TBC1D5: variants seen among roughly 807,000 people sequenced by gnomAD.
The protein encoded by TBC1D5 is TBC1 domain family, member 5.
In TBC1D5, 75 loss-of-function variants were observed where a neutral mutation model predicts 100.3. The observed-to-expected ratio is 0.75, with a 90% CI of 0.62 to 0.91. The LOEUF (loss-of-function observed/expected upper bound fraction) is 0.91, where lower values mean the gene tolerates loss of function less well. TBC1D5 is among the 40% of genes least tolerant of loss of function. TBC1D5 has a pLI of 0.00. For missense variants in TBC1D5, 910 were observed against 942.4 expected, an observed-to-expected ratio of 0.97 and a Z score of 0.45; for synonymous variants, 323 against 325.6, an observed-to-expected ratio of 0.99 and a Z score of 0.09.
At chr3:17,449,438 T>C (rs2094874956) in intron 3 of TBC1D5, among the ~76,000 whole-genome samples, 1 of 152,144 alleles carries the variant, frequency 6.6e-6, no homozygotes, top group Non-Finnish European at 1.5e-5. Flanking sequence ...CTGGTTTTGC[T>C]CAGTGGATCC....
chr3:17,453,909 T>C (rs1307942308), intron 3 of TBC1D5, among the ~76,000 whole-genome samples: 1 of 152,174 alleles, frequency 6.6e-6, no homozygotes, highest in Non-Finnish European at 1.5e-5. Flanking sequence ...AAAAAGGTCA[T>C]TCATCATGAC....
intron 2 of TBC1D5, among the ~76,000 whole-genome samples, chr3:17,509,282 G>A (rs1225342282): frequency 6.6e-6 from 1 of 151,722 alleles, no homozygotes; most frequent in Admixed American, 6.6e-5. Flanking sequence ...CATGTTTTCA[G>A]TTGTTCAATA....
intron 1 of TBC1D5, among the ~76,000 whole-genome samples, chr3:17,709,035 G>T (rs1577687656): frequency 6.6e-6 from 1 of 151,854 alleles, no homozygotes; most frequent in East Asian, 1.9e-4. Flanking sequence ...GTTCTGTTAG[G>T]CCCTTTTTTC....
intron 2 of TBC1D5, among the ~76,000 whole-genome samples, chr3:17,611,900 A>G (rs2061697333): frequency 6.6e-6 from 1 of 151,726 alleles, no homozygotes; most frequent in East Asian, 1.9e-4. Flanking sequence ...AACATTATTC[A>G]TCCACACTAA....
intron 4 of TBC1D5, among the ~76,000 whole-genome samples, chr3:17,423,822 C>T (rs993929252): frequency 2.0e-5 from 3 of 151,868 alleles, no homozygotes; most frequent in South Asian, 2.1e-4. Flanking sequence ...TTCTATCCTC[C>T]GCCATTTACA....
intron 18 of TBC1D5, among the ~76,000 whole-genome samples, chr3:17,204,307 T>C (rs1312314847): frequency 1.3e-5 from 2 of 152,200 alleles, no homozygotes; most frequent in Non-Finnish European, 2.9e-5. Context: ...TTCCCTGTCA[T>C]GCACATCTGC....
chr3:17,689,907 C>A (rs76692174), intron 1 of TBC1D5, among the ~76,000 whole-genome samples: 7 of 140,284 alleles, frequency 5.0e-5, no homozygotes, highest in Admixed American at 1.5e-4. Flanking sequence ...CCCTCCCCCC[C>A]AAAAAATCAG....
At chr3:17,715,298 G>A (rs879818484) in intron 1 of TBC1D5, among the ~76,000 whole-genome samples, 3 of 152,130 alleles carry the variant, frequency 2.0e-5, no homozygotes, top group Non-Finnish European at 2.9e-5. Context: ...GAGAATACTC[G>A]ATCCTGATTA....
intron 13 of TBC1D5, among the ~76,000 whole-genome samples, chr3:17,325,132 TAC>T (rs1164960431): frequency 6.6e-6 from 1 of 152,186 alleles, no homozygotes; most frequent in Non-Finnish European, 1.5e-5. Context: ...CAAATATGTT[TAC>T]ACAAACACCT....
At chr3:17,164,943 A>G (rs991885489) in intron 21 of TBC1D5, among the ~76,000 whole-genome samples, 2 of 152,206 alleles carry the variant, frequency 1.3e-5, no homozygotes, top group Non-Finnish European at 2.9e-5. Flanking sequence ...CTTTGTATAA[A>G]CTGCTAACAG....
intron 19 of TBC1D5, among the ~76,000 whole-genome samples, chr3:17,169,034 T>C (rs539713569): frequency 6.6e-6 from 1 of 152,332 alleles, no homozygotes; most frequent in East Asian, 1.9e-4. Context: ...TGTTCAACTT[T>C]CTGCTCCAGT....
At chr3:17,712,549 T>A (rs759460167) in intron 1 of TBC1D5, among the ~76,000 whole-genome samples, 10 of 152,198 alleles carry the variant, frequency 6.6e-5, no homozygotes, top group African/African-American at 9.6e-5. Context: ...CATCCATCAT[T>A]TTTAAATTGT....
At chr3:17,319,932 C>T (rs2085184027) in intron 13 of TBC1D5, among the ~76,000 whole-genome samples, 1 of 152,020 alleles carries the variant, frequency 6.6e-6, no homozygotes, top group Non-Finnish European at 1.5e-5. Flanking sequence ...ACAATGATTG[C>T]TAAAATGAAG....
chr3:17,207,349 A>G (rs1238390877), intron 18 of TBC1D5, among the ~76,000 whole-genome samples: 1 of 152,204 alleles, frequency 6.6e-6, no homozygotes, highest in East Asian at 1.9e-4. Flanking sequence ...TATCATGTAA[A>G]ATAAAGCATA....
chr3:17,601,008 G>T (rs772109165), intron 2 of TBC1D5, among the ~76,000 whole-genome samples: 1 of 152,188 alleles, frequency 6.6e-6, no homozygotes, highest in Non-Finnish European at 1.5e-5. Context: ...ATCCTACTTA[G>T]AATAATAGCC....
intron 9 of TBC1D5, among the ~76,000 whole-genome samples, chr3:17,382,018 A>C (rs1357207864): frequency 6.6e-6 from 1 of 152,052 alleles, no homozygotes; most frequent in Non-Finnish European, 1.5e-5. Context: ...CTGTCACATT[A>C]GTTTGATCAC....
At position 17,615,921 on chromosome 3, in the gene TBC1D5, G is replaced by A. The variant is rs574380556; in HGVS notation, c.-36+7928C>T. Among the ~76,000 whole-genome samples the A allele has an allele frequency of 1.2e-3, 176 of 151,734 alleles. 1 individual carries two copies. Among genetic ancestry groups the A allele is most frequent in the Middle Eastern group, 6.8e-3 (2 of 294 alleles). On this transcript the variant is annotated intron_variant, in intron 2 of 21. Coordinates refer to ENST00000253692, the Ensembl canonical transcript of TBC1D5. ...TCTCTGATCTTAGTTATTTCTTGCC[G>A]TCTGCTAGCTTTTGAATTTGTTTGC...
intron 18 of TBC1D5, among the ~76,000 whole-genome samples, chr3:17,206,433 T>C (rs2072194337): frequency 6.6e-6 from 1 of 152,236 alleles, no homozygotes; most frequent in East Asian, 1.9e-4. Flanking sequence ...TGGCCTGAAA[T>C]AGGTTAGGCA....
At chr3:17,631,919 T>C (rs941565071) in intron 1 of TBC1D5, among the ~76,000 whole-genome samples, 1 of 152,232 alleles carries the variant, frequency 6.6e-6, no homozygotes, top group Non-Finnish European at 1.5e-5. Flanking sequence ...TCATGCTTGC[T>C]AATATAATAT....
Sources: allele counts gnomAD v4.1 joint callset (sites outside exome capture counted in the v4.1 genomes callset), GRCh38; gene constraint gnomAD v4.1.1; transcripts MANE v1.5; gene names NCBI Gene and HGNC (gene_info 2026-07-23, HGNC 2026-07-21).